Variants in CACNA2D3 observed in about 807,000 individuals in gnomAD.
CACNA2D3 encodes the protein voltage-dependent calcium channel subunit alpha-2/delta-3.
A neutral mutation model predicts 160.6 loss-of-function variants in CACNA2D3; 60 were observed. The ratio of observed to expected loss-of-function variants is 0.37; its 90% CI spans 0.30 to 0.46. The LOEUF is 0.46. Ranked by LOEUF, CACNA2D3 falls within the 20% of genes least tolerant of loss-of-function variation. The pLI is 1.00. For synonymous variants in CACNA2D3, 558 were observed against 492.9 expected, an observed-to-expected ratio of 1.13 and a Z score of -1.75; for missense variants, 1,205 against 1,365.0, an observed-to-expected ratio of 0.88 and a Z score of 1.85.
chr3:54,624,570 C>T (rs949492475), intron 9 of CACNA2D3, among the ~76,000 whole-genome samples: 4 of 152,044 alleles, frequency 2.6e-5, no homozygotes, highest in East Asian at 1.9e-4. Flanking sequence ...TCTGGTGAGC[C>T]GAGATCGCAC....
Position 54,809,617 on chromosome 3 carries a change from C to CCCTT in CACNA2D3, c.1381-7230_1381-7227dup, listed in dbSNP as rs1405921623. 6.4e-5 allele frequency among the ~76,000 whole-genome samples: 9 copies of CCCTT among 140,048 alleles called. 1 individual carries two copies. The highest frequency in any genetic ancestry group is 2.9e-4 in the African/African-American group (9 of 30,746). The allele number at this position is 140,048 out of a possible 152,430, so 91.9% of individuals were successfully genotyped here. The stretch of plus-strand genomic sequence containing the variant: ...ACAGGCGTGAGCCACCGCGCCCGGC[C>CCCTT]CCTTCCTTCTTTCTTTCTTTCTTTC... On this transcript the variant is annotated intron_variant, in intron 13 of 37. Coordinates refer to ENST00000474759, the MANE Select transcript of CACNA2D3 (RefSeq NM_018398.3).
chr3:54,330,296 T>C (rs1704219109), intron 3 of CACNA2D3, among the ~76,000 whole-genome samples: 1 of 151,182 alleles, frequency 6.6e-6, no homozygotes, highest in African/African-American at 2.4e-5. Context: ...TTAGAGAGCC[T>C]CCCCTCACTG....
At chr3:54,383,340 T>C (rs887859342) in intron 3 of CACNA2D3, among the ~76,000 whole-genome samples, 5 of 152,186 alleles carry the variant, frequency 3.3e-5, no homozygotes, top group African/African-American at 1.2e-4. Context: ...TTCTGAGTTC[T>C]CTCAGAAAAT....
intron 27 of CACNA2D3, among the ~76,000 whole-genome samples, chr3:54,968,238 CTGTT>C (rs1455106299): frequency 6.6e-6 from 1 of 152,004 alleles, no homozygotes; most frequent in Non-Finnish European, 1.5e-5. Flanking sequence ...CTGCACTGTG[CTGTT>C]TGTTTTGTAT....
At chr3:54,336,049 A>G (rs148815940) in intron 3 of CACNA2D3, among the ~76,000 whole-genome samples, 176 of 150,714 alleles carry the variant, frequency 1.2e-3, no homozygotes, top group African/African-American at 4.0e-3. Context: ...TCTGGTTCCA[A>G]TGCTTCCAAC....
At chr3:54,889,332 G>A (rs549033858) in intron 24 of CACNA2D3, among the ~76,000 whole-genome samples, 1 of 152,322 alleles carries the variant, frequency 6.6e-6, no homozygotes, top group Non-Finnish European at 1.5e-5. Flanking sequence ...GGAGAACAGA[G>A]GGTGATGGGG....
At chr3:54,811,119 C>G (rs1032257277) in intron 13 of CACNA2D3, among the ~76,000 whole-genome samples, 2 of 152,194 alleles carry the variant, frequency 1.3e-5, no homozygotes, top group African/African-American at 4.8e-5. Flanking sequence ...CAGGCCTCCT[C>G]CCGGGACATG....
At chr3:54,788,931 C>T in intron 13 of CACNA2D3, among the ~76,000 whole-genome samples, 1 of 152,052 alleles carries the variant, frequency 6.6e-6, no homozygotes, top group African/African-American at 2.4e-5. Flanking sequence ...ATGTAGGAGA[C>T]ATTTAATAAG....
chr3:54,682,532 A>G (rs1166191374), intron 11 of CACNA2D3, among the ~76,000 whole-genome samples: 5 of 152,142 alleles, frequency 3.3e-5, no homozygotes, highest in Non-Finnish European at 5.9e-5. Flanking sequence ...AGGCTGAGGC[A>G]CAAGAATCGC....
At chr3:54,817,569 G>A (rs1315556374) in intron 14 of CACNA2D3, among the ~76,000 whole-genome samples, 1 of 152,244 alleles carries the variant, frequency 6.6e-6, no homozygotes, top group East Asian at 1.9e-4. Context: ...TTGTTCTTGT[G>A]TGTTTCACAA....
intron 9 of CACNA2D3, among the ~76,000 whole-genome samples, chr3:54,621,881 C>T (rs546435883): frequency 2.6e-4 from 39 of 152,318 alleles, no homozygotes; most frequent in African/African-American, 7.9e-4. Context: ...ATGTTGAAGA[C>T]GGTCCTTTCT....
At chr3:54,421,963 C>A (rs1013301959) in intron 4 of CACNA2D3, among the ~76,000 whole-genome samples, 1 of 151,936 alleles carries the variant, frequency 6.6e-6, no homozygotes, top group African/African-American at 2.4e-5. Flanking sequence ...CAGTTTTGTC[C>A]ATTGTCCTTG....
chr3:54,751,629 T>C (rs759260171), intron 11 of CACNA2D3, among the ~76,000 whole-genome samples: 1 of 152,064 alleles, frequency 6.6e-6, no homozygotes, highest in Non-Finnish European at 1.5e-5. Context: ...CTAACCACAA[T>C]TGTAGCAAAG....
chr3:54,918,909 C>G, intron 27 of CACNA2D3: 1 of 1,513,722 alleles, frequency 6.6e-7, no homozygotes, highest in Admixed American at 2.2e-5. Flanking sequence ...AAAACAAAAG[C>G]AAAGAACAAT....
chr3:54,151,842 C>A (rs932399233), intron 2 of CACNA2D3, among the ~76,000 whole-genome samples: 1 of 152,172 alleles, frequency 6.6e-6, no homozygotes, highest in Non-Finnish European at 1.5e-5. Flanking sequence ...GCCTTTATCT[C>A]CCCCTGCCCC....
chr3:54,563,085 A>G (rs893057132), intron 6 of CACNA2D3, among the ~76,000 whole-genome samples, 154 bp downstream of exon 6: 5 of 152,166 alleles, frequency 3.3e-5, no homozygotes, highest in African/African-American at 1.2e-4. Flanking sequence ...CAGGACAGGA[A>G]TGGCAAGGTG....
chr3:54,922,567 A>T (rs1177856813), intron 27 of CACNA2D3, among the ~76,000 whole-genome samples: 2 of 152,032 alleles, frequency 1.3e-5, no homozygotes, highest in African/African-American at 2.4e-5. Flanking sequence ...GTTGAGAAGG[A>T]TTTATTCAAT....
intron 11 of CACNA2D3, among the ~76,000 whole-genome samples, chr3:54,705,810 A>G (rs1700847010): frequency 6.6e-6 from 1 of 152,170 alleles, no homozygotes; most frequent in Non-Finnish European, 1.5e-5. Flanking sequence ...TTGATTTGCT[A>G]TGCGGATATG....
intron 17 of CACNA2D3, among the ~76,000 whole-genome samples, chr3:54,849,908 C>T (rs370638018): frequency 3.9e-5 from 6 of 152,332 alleles, no homozygotes; most frequent in African/African-American, 1.4e-4. Context: ...CTAATTTGTC[C>T]TATAAAATCT....
Sources: gnomAD v4.1 joint callset for allele counts (sites outside exome capture counted in the v4.1 genomes callset) on GRCh38, gnomAD v4.1.1 for gene constraint, MANE v1.5 for transcripts, NCBI Gene and HGNC (gene_info 2026-07-23, HGNC 2026-07-21) for gene names.